ROBO1: variants seen among roughly 807,000 people sequenced by gnomAD.
ROBO1 encodes the protein roundabout guidance receptor 1.
A neutral mutation model predicts 195.9 loss-of-function variants in ROBO1; 149 were observed. The observed-to-expected ratio is 0.76, with a 90% CI of 0.67 to 0.87. The LOEUF (loss-of-function observed/expected upper bound fraction) is 0.87, where lower values mean the gene tolerates loss of function less well. Among genes scored for constraint, ROBO1 ranks in the 40% least tolerant of loss-of-function variants. The pLI is 0.00. For missense variants in ROBO1, 1,933 were observed against 2,068.3 expected (o/e 0.93, Z 1.27); for synonymous variants, 816 against 733.2 (o/e 1.11, Z -1.82).
In ROBO1 at chr3:79,057,747, A is replaced by G. The variant is rs547096857; in HGVS notation, c.172+67709T>C. On this transcript the variant is annotated intron_variant, in intron 3 of 30. Coordinates refer to ENST00000464233, the MANE Select transcript of ROBO1 (RefSeq NM_002941.4). ...CTCACACTGATTTACCTGCTCCACA[A>G]AATTATTCTTATTGGGCTTATGTGC... 1.1e-4 allele frequency among the ~76,000 whole-genome samples: 17 copies of G among 151,932 alleles called. No individual in the cohort carries two copies. In the East Asian group the frequency reaches 1.2e-3, roughly 10 times the overall value.
At chr3:79,579,694 T>G (rs1233882235) in intron 2 of ROBO1, among the ~76,000 whole-genome samples, 1 of 152,222 alleles carries the variant, frequency 6.6e-6, no homozygotes, top group African/African-American at 2.4e-5. Context: ...ATCAGCTTTC[T>G]TTAAATTATT....
intron 2 of ROBO1, among the ~76,000 whole-genome samples, chr3:79,431,945 T>A (rs1405278151): frequency 6.6e-6 from 1 of 152,004 alleles, no homozygotes; most frequent in Non-Finnish European, 1.5e-5. Context: ...ATAGAAAAGG[T>A]GCCATTTTTG....
intron 2 of ROBO1, among the ~76,000 whole-genome samples, chr3:79,500,296 C>T (rs921662402): frequency 1.3e-5 from 2 of 151,654 alleles, no homozygotes; most frequent in Non-Finnish European, 2.9e-5. Context: ...CGCCAGGCTA[C>T]TTTTTGTATT....
chr3:79,708,425 GAAT>G (rs1702143361), intron 1 of ROBO1, among the ~76,000 whole-genome samples: 1 of 152,034 alleles, frequency 6.6e-6, no homozygotes, highest in Non-Finnish European at 1.5e-5. Context: ...CATAAAACAC[GAAT>G]TATATAAATT....
chr3:79,034,747 T>C (rs1019860228), intron 3 of ROBO1, among the ~76,000 whole-genome samples: 5 of 152,132 alleles, frequency 3.3e-5, no homozygotes, highest in African/African-American at 4.8e-5. Context: ...AAATCTTACA[T>C]TTTATGTAAT....
Position 78,799,589 on chromosome 3 carries a change from C to T in ROBO1, c.500-52689G>A, listed in dbSNP as rs35406856. 2.5e-3 allele frequency among the ~76,000 whole-genome samples: 372 copies of T among 150,812 alleles called. 1 individual carries two copies. The highest frequency in any genetic ancestry group is 7.7e-3 in the African/African-American group (316 of 41,066). On this transcript the variant is annotated intron_variant, in intron 4 of 30. Coordinates refer to ENST00000464233, the MANE Select transcript of ROBO1 (RefSeq NM_002941.4). ...ATCTCCTGACCTCGTGATCCACCCA[C>T]CTTGGCCTCCCAAAGTGCTGGGATT... is the stretch of plus-strand genomic sequence containing the variant.
chr3:79,671,003 G>A (rs553498277), intron 1 of ROBO1, among the ~76,000 whole-genome samples: 4 of 151,678 alleles, frequency 2.6e-5, no homozygotes, highest in African/African-American at 4.8e-5. Context: ...TCTATGCTTC[G>A]TTTTATATCA....
At chr3:78,653,376 G>A (rs1223276266) in intron 18 of ROBO1, among the ~76,000 whole-genome samples, 1 of 152,130 alleles carries the variant, frequency 6.6e-6, no homozygotes, top group Admixed American at 6.5e-5. Flanking sequence ...GTGCAGATAT[G>A]CCAGTGACCA....
intron 1 of ROBO1, among the ~76,000 whole-genome samples, chr3:79,738,181 G>A (rs1050501845): frequency 7.2e-5 from 11 of 152,108 alleles, no homozygotes; most frequent in African/African-American, 2.7e-4. Context: ...CAATTCAGCA[G>A]TGTACTCTTT....
At chr3:79,113,410 C>T (rs914813705) in intron 3 of ROBO1, among the ~76,000 whole-genome samples, 3 of 151,750 alleles carry the variant, frequency 2.0e-5, no homozygotes, top group African/African-American at 7.3e-5. Flanking sequence ...TAGAAAGAAG[C>T]TTTTAGAATT....
intron 2 of ROBO1, among the ~76,000 whole-genome samples, chr3:79,511,601 A>G (rs1940708953): frequency 6.6e-6 from 1 of 152,132 alleles, no homozygotes; most frequent in Admixed American, 6.6e-5. Context: ...CTGGCAAATT[A>G]TATCAAAATT....
intron 2 of ROBO1, among the ~76,000 whole-genome samples, chr3:79,260,916 C>T (rs914687309): frequency 7.9e-5 from 12 of 152,030 alleles, no homozygotes; most frequent in African/African-American, 2.7e-4. Flanking sequence ...GTGAACTCTG[C>T]TCAATTCTAT....
At chr3:79,757,510 C>CCATATATAT (rs1704471257) in intron 1 of ROBO1, among the ~76,000 whole-genome samples, 1 of 70,510 alleles carries the variant, frequency 1.4e-5, no homozygotes, top group African/African-American at 5.5e-5. Context: ...TCTCTCTCTC[C>CCATATATAT]ATATATATAT....
intron 8 of ROBO1, among the ~76,000 whole-genome samples, chr3:78,708,903 A>G (rs1251606980): frequency 6.6e-6 from 1 of 152,194 alleles, no homozygotes; most frequent in African/African-American, 2.4e-5. Flanking sequence ...CACTCGTCAA[A>G]TTGAAATGCT....
At chr3:78,636,893 C>T (rs1341210498) in intron 22 of ROBO1, among the ~76,000 whole-genome samples, 4 of 139,596 alleles carry the variant, frequency 2.9e-5, no homozygotes, top group Non-Finnish European at 4.6e-5. Context: ...AATATTTGGA[C>T]ATTAAATAAC....
chr3:79,696,857 G>A (rs1947464346), intron 1 of ROBO1, among the ~76,000 whole-genome samples: 2 of 151,534 alleles, frequency 1.3e-5, no homozygotes, highest in South Asian at 2.1e-4. Flanking sequence ...ACCTTCTAAT[G>A]TATTGACTGG....
chr3:78,682,774 T>C (rs895766148), intron 10 of ROBO1, among the ~76,000 whole-genome samples: 4 of 148,662 alleles, frequency 2.7e-5, no homozygotes, highest in Non-Finnish European at 5.9e-5. Flanking sequence ...AAAATTATAA[T>C]AATATAATTT....
At chr3:79,336,487 G>A (rs1475950321) in intron 2 of ROBO1, among the ~76,000 whole-genome samples, 1 of 152,198 alleles carries the variant, frequency 6.6e-6, no homozygotes, top group African/African-American at 2.4e-5. Context: ...CGTGGTGTTG[G>A]GCCTGTGAGT....
At chr3:79,364,987 TCTGA>T (rs2109316268) in intron 2 of ROBO1, among the ~76,000 whole-genome samples, 1 of 152,324 alleles carries the variant, frequency 6.6e-6, no homozygotes, top group Non-Finnish European at 1.5e-5. Flanking sequence ...AAACTTCCAC[TCTGA>T]CTGAGTTCTG....
Sources: allele counts gnomAD v4.1 joint callset (sites outside exome capture counted in the v4.1 genomes callset), GRCh38; gene constraint gnomAD v4.1.1; transcripts MANE v1.5; gene names NCBI Gene and HGNC (gene_info 2026-07-23, HGNC 2026-07-21).